Variants in SRSF11 observed in about 807,000 individuals in gnomAD.
SRSF11 encodes the protein serine/arginine-rich splicing factor 11.
Under a neutral mutation model 56.0 loss-of-function variants are expected in SRSF11, and 9 were observed. That is an observed-to-expected ratio of 0.16 (90% CI 0.10 to 0.28). The LOEUF (loss-of-function observed/expected upper bound fraction) is 0.28, where lower values mean the gene tolerates loss of function less well. Ranked by LOEUF, SRSF11 falls within the 10% of genes least tolerant of loss-of-function variation. The probability of loss-of-function intolerance (pLI) is 1.00; values close to 1 mark genes in which losing one functional copy is unlikely to be tolerated. For missense variants in SRSF11, 421 were observed against 600.7 expected (o/e 0.70, Z 3.13); for synonymous variants, 222 against 215.3 (o/e 1.03, Z -0.27).
chr1:70,239,991 A>G (rs1237054182), intron 7 of SRSF11, among the ~76,000 whole-genome samples: 1 of 152,184 alleles, frequency 6.6e-6, no homozygotes, highest in East Asian at 1.9e-4. Context: ...TCCTTATATA[A>G]TAGACTTCAT....
chr1:70,247,226 G>A, intron 9 of SRSF11: 29 of 483,684 alleles, frequency 6.0e-5, no homozygotes, highest in South Asian at 2.7e-4. Flanking sequence ...GCTTATTATA[G>A]TAAGCTATAT....
intron 8 of SRSF11, among the ~76,000 whole-genome samples, chr1:70,245,306 A>G (rs1676494804): frequency 6.6e-6 from 1 of 152,220 alleles, no homozygotes; most frequent in South Asian, 2.1e-4. Flanking sequence ...GTTCATTTAT[A>G]TATTTAGTTA....
chr1:70,219,027 A>G (rs144910031), upstream of SRSF11, among the ~76,000 whole-genome samples: 729 of 152,366 alleles, frequency 4.8e-3, 4 homozygotes, highest in Admixed American at 9.6e-3. Flanking sequence ...CCAAAATCCA[A>G]AATGCTCCAA....
At chr1:70,212,348 C>T (rs1442070208) in intron 1 of SRSF11, among the ~76,000 whole-genome samples, 1 of 152,122 alleles carries the variant, frequency 6.6e-6, no homozygotes, top group Non-Finnish European at 1.5e-5. Flanking sequence ...CCTCCACCTC[C>T]TGGGTTCAAG....
In SRSF11 at chr1:70,244,807, A is replaced by T. The variant is rs1333256233; in HGVS notation, c.924A>T (p.Ser308=). 1 of 1,614,122 alleles carries T rather than the reference A, an allele frequency of 6.2e-7. No individual in the cohort carries two copies. Among genetic ancestry groups the T allele is most frequent in the Non-Finnish European group, 8.5e-7 (1 of 1,179,974 alleles). ...RERGRRSRST[S]KTRDKKKEDK... is the part of the protein sequence containing the mutation. Reference sequence around the variant, plus strand: ...GAGGTAGAAGGTCAAGGAGCACATCAAAAACAAGGTATAGCATTGGGTGAG... The same window carrying T: ...GAGGTAGAAGGTCAAGGAGCACATCTAAAACAAGGTATAGCATTGGGTGAG... The change falls in exon 8 of 12, where the codon TCA becomes TCT. Residue 308 remains serine, a synonymous_variant. Transcript: ENST00000370949.
At chr1:70,221,980 G>A (rs1670745327) in intron 1 of SRSF11, 141 bp downstream of exon 1, 8 of 1,421,078 alleles carry the variant, frequency 5.6e-6, no homozygotes, top group African/African-American at 1.4e-5. Context: ...TACTTAAGAC[G>A]GTTGTGTTCC....
At chr1:70,250,564 T>C (rs1677775844) in intron 11 of SRSF11, 44 bp from the exon 12 acceptor site, 1 of 1,608,686 alleles carries the variant, frequency 6.2e-7, no homozygotes, top group Non-Finnish European at 8.5e-7. Flanking sequence ...TCAGAAGTTA[T>C]TTTTCTTTGG....
chr1:70,229,435 C>T, intron 2 of SRSF11: 2 of 985,368 alleles, frequency 2.0e-6, no homozygotes, highest in Non-Finnish European at 2.4e-6. Context: ...TAAAAAGCCA[C>T]TGTGACAAGA....
At chr1:70,230,377 A>G (rs1451170171) in intron 2 of SRSF11, 3 of 1,075,538 alleles carry the variant, frequency 2.8e-6, no homozygotes, top group Non-Finnish European at 1.1e-6. Context: ...GCTCTTGGTC[A>G]GTGTTTTAGA....
At chr1:70,234,944 A>G (rs975510453) in intron 4 of SRSF11, among the ~76,000 whole-genome samples, 156 bp downstream of exon 4, 1 of 152,202 alleles carries the variant, frequency 6.6e-6, no homozygotes, top group Admixed American at 6.5e-5. Context: ...TCACTGAATG[A>G]CTAACTCCTT....
At chr1:70,243,497 G>T (rs947433967) in intron 7 of SRSF11, among the ~76,000 whole-genome samples, 2 of 152,070 alleles carry the variant, frequency 1.3e-5, no homozygotes, top group African/African-American at 4.8e-5. Flanking sequence ...ATTATTTGGT[G>T]ATAGAGGTGT....
At position 70,215,108 on chromosome 1, in the gene SRSF11, C is replaced by T. The variant is rs574304244; in HGVS notation, c.-25-6504C>T. 5.2e-4 allele frequency among the ~76,000 whole-genome samples: 79 copies of T among 151,864 alleles called. 3 individuals are homozygous for T. In the South Asian group the frequency reaches 0.016, roughly 31 times the overall value. ...AGGCGGGGTTTCGTCATTTTGGCCA[C>T]GCTAGTCTTGAACTCCTGGCGTGAA... On this transcript the variant is annotated intron_variant, in intron 1 of 12. Coordinates refer to the SRSF11 transcript ENST00000370950.
intron 5 of SRSF11, among the ~76,000 whole-genome samples, chr1:70,236,403 T>A (rs1027402635): frequency 2.7e-5 from 4 of 147,600 alleles, no homozygotes; most frequent in African/African-American, 1.0e-4. Flanking sequence ...CAAACTCAGC[T>A]CACTGCAACC....
Position 70,249,969 on chromosome 1 carries a change from G to A in SRSF11, c.1040G>A (p.Arg347Lys), listed in dbSNP as rs986209401. The change falls in exon 10 of 12, where the codon AGA becomes AAA. Residue 347 changes from arginine to lysine, a missense_variant. Arg to Lys is a conservative substitution (Grantham distance 26). This residue lies in a region of SRSF11 where 253 missense variants were observed against 305.8 expected (regional missense o/e 0.83). Transcript: ENST00000370949. ...GATTCTAGAGAGAGACGACGACGAA[G>A]AAGCAGGAGTGGCACAAGATCTCCT... ...RSASRERRRR[R>K]SRSGTRSPKK... The A allele has an allele frequency of 6.2e-7, 1 of 1,613,990 alleles. No individual in the cohort carries two copies. Among genetic ancestry groups the A allele is most frequent in the African/African-American group, 1.3e-5 (1 of 74,930 alleles).
At chr1:70,246,414 T>C (rs1338297211) in intron 8 of SRSF11, among the ~76,000 whole-genome samples, 2 of 152,126 alleles carry the variant, frequency 1.3e-5, no homozygotes, top group Non-Finnish European at 2.9e-5. Context: ...ATATTCATGA[T>C]ATTGATGGAT....
intron 1 of SRSF11, among the ~76,000 whole-genome samples, chr1:70,210,282 C>G (rs1032100336): frequency 9.9e-5 from 15 of 152,006 alleles, no homozygotes; most frequent in Non-Finnish European, 2.2e-4. Flanking sequence ...CCATGCCCCC[C>G]AGTAGCTGCG....
intron 1 of SRSF11, among the ~76,000 whole-genome samples, chr1:70,223,309 T>C: frequency 6.6e-6 from 1 of 152,254 alleles, no homozygotes; most frequent in Non-Finnish European, 1.5e-5. Flanking sequence ...TTTTAAATGC[T>C]GTTTATTCTC....
chr1:70,230,595 C>A (rs1179632283), intron 2 of SRSF11: 2 of 1,286,062 alleles, frequency 1.6e-6, no homozygotes, highest in African/African-American at 3.0e-5. Context: ...AAAAAAAATA[C>A]TCTTGACGCA....
At chr1:70,235,359 C>T (rs2100795842) in intron 4 of SRSF11, 142 bp from the exon 5 acceptor site, 45 of 659,344 alleles carry the variant, frequency 6.8e-5, no homozygotes, top group South Asian at 1.6e-4. Context: ...TTTGTTTTTT[C>T]TTTTTTAATG....
Sources: allele counts gnomAD v4.1 joint callset (sites outside exome capture counted in the v4.1 genomes callset), GRCh38; gene constraint gnomAD v4.1.1; regional missense constraint gnomAD v4.1.1; transcripts MANE v1.5; gene names NCBI Gene and HGNC (gene_info 2026-07-23, HGNC 2026-07-21).